The following WDR41 variants were observed in gnomAD, a reference collection of about 807,000 sequenced individuals.
WDR41 encodes WD repeat domain 41.
Under a neutral mutation model 69.3 loss-of-function variants are expected in WDR41, and 63 were observed. The ratio of observed to expected loss-of-function variants is 0.91; its 90% confidence interval spans 0.74 to 1.12. WDR41 has a LOEUF of 1.12. WDR41 is among the 50% of genes most tolerant of loss of function. The pLI, the probability that WDR41 is intolerant of heterozygous loss-of-function variation, is 0.00. For missense variants in WDR41, 543 were observed against 534.5 expected (o/e 1.02, Z -0.16); for synonymous variants, 185 against 192.1 (o/e 0.96, Z 0.31).
At chr5:77,508,298 C>T (rs757749027) in intron 1 of WDR41, among the ~76,000 whole-genome samples, 5 of 151,822 alleles carry the variant, frequency 3.3e-5, no homozygotes, top group African/African-American at 9.7e-5. Context: ...TTTTTTGTAG[C>T]GACAGGGTTT....
intron 1 of WDR41, among the ~76,000 whole-genome samples, chr5:77,571,190 G>A (rs1408573103): frequency 6.6e-6 from 1 of 152,020 alleles, no homozygotes; most frequent in African/African-American, 2.4e-5. Flanking sequence ...TTGCAAAATG[G>A]TCCGGAATTC....
At chr5:77,503,190 C>CA (rs144057313) in intron 1 of WDR41, among the ~76,000 whole-genome samples, 4,985 of 74,272 alleles carry the variant, frequency 0.067, 235 homozygotes, top group Middle Eastern at 0.1. Flanking sequence ...AAATGGAAAG[C>CA]AAAAAAAAAA....
intron 2 of WDR41, among the ~76,000 whole-genome samples, chr5:77,472,780 C>G (rs1414182991): frequency 1.3e-5 from 2 of 151,872 alleles, no homozygotes; most frequent in Non-Finnish European, 2.9e-5. Flanking sequence ...AGGATACAAA[C>G]AAATGGAAGA....
chr5:77,489,581 GA>G lies in WDR41; in HGVS notation c.52-10del, dbSNP rs1554032661. The G allele has an allele frequency of 0.095, 88,441 of 928,806 alleles. 1 individual carries two copies. The highest frequency in any genetic ancestry group is 0.1 in the Non-Finnish European group (70,696 of 679,634). 57.5% of individuals were successfully genotyped at this position (928,806 alleles called of 1,614,324 possible). ...GTCTGTAAAGGAGATTTCTTGTATT[GA>G]AAAAAAAAAAAAAGCAAAAAACAAA... On this transcript the variant is annotated splice_polypyrimidine_tract_variant and intron_variant, in intron 1 of 12. Coordinates refer to ENST00000296679, the MANE Select transcript of WDR41 (RefSeq NM_018268.4).
At chr5:77,600,150 A>G (rs890806471) in intron 1 of WDR41, among the ~76,000 whole-genome samples, 1 of 152,222 alleles carries the variant, frequency 6.6e-6, no homozygotes, top group African/African-American at 2.4e-5. Flanking sequence ...GGGTTTGACC[A>G]TGGATTTATT....
intron 1 of WDR41, among the ~76,000 whole-genome samples, chr5:77,560,647 G>A (rs932652789): frequency 9.2e-5 from 14 of 152,032 alleles, no homozygotes; most frequent in African/African-American, 2.4e-4. Flanking sequence ...CCTTTGCGCC[G>A]ATTTCTTTTC....
intron 1 of WDR41, among the ~76,000 whole-genome samples, chr5:77,499,798 G>C (rs375252516): frequency 2.0e-5 from 3 of 152,106 alleles, no homozygotes; most frequent in African/African-American, 7.2e-5. Context: ...AATCTAATTA[G>C]TGTAAACTGA....
chr5:77,491,931 TGGGACGGGGCCG>T (rs1801808937), intron 1 of WDR41: 3 of 524,460 alleles, frequency 5.7e-6, no homozygotes, highest in Non-Finnish European at 1.0e-5. Context: ...CAGCTAGCCG[TGGGACGGGGCCG>T]GGGGTCTGCA....
intron 2 of WDR41, among the ~76,000 whole-genome samples, chr5:77,488,654 G>A (rs1801627635): frequency 6.6e-6 from 1 of 152,110 alleles, no homozygotes; most frequent in Admixed American, 6.6e-5. Context: ...ATTCAATGTG[G>A]ATGCTTAGTA....
chr5:77,561,874 T>C (rs76498483), intron 1 of WDR41, among the ~76,000 whole-genome samples: 2,124 of 152,296 alleles, frequency 0.014, 19 homozygotes, highest in Non-Finnish European at 0.021. Flanking sequence ...GCAGTAACAA[T>C]ATGCTATAGA....
At position 77,440,910 on chromosome 5, in the gene WDR41, A is replaced by T. The variant is rs1481178448; in HGVS notation, c.785T>A (p.Phe262Tyr). 12 of 1,614,038 alleles carry T rather than the reference A, an allele frequency of 7.4e-6. No individual in the cohort carries two copies. Among genetic ancestry groups the T allele is most frequent in the Non-Finnish European group, 1.0e-5 (12 of 1,180,036 alleles). Reference protein sequence around the residue: ...DWTMQAYERNFWDPSPQLDTQ... With the variant: ...DWTMQAYERNYWDPSPQLDTQ... Reference sequence around the variant, plus strand: ...GTCCAGTTGTGGAGATGGGTCCCAGAAGTTGCGTTCATAGGCCTGCATGGT... The same window carrying T: ...GTCCAGTTGTGGAGATGGGTCCCAGTAGTTGCGTTCATAGGCCTGCATGGT... Residue 262 changes from phenylalanine (F) to tyrosine (Y), a missense_variant, in exon 9 of 13, where the codon TTC becomes TAC. By Grantham distance (22) the Phe-to-Tyr change is conservative. Transcript: ENST00000296679.
chr5:77,610,971 C>A (rs1054174404), intron 1 of WDR41, among the ~76,000 whole-genome samples: 2 of 152,114 alleles, frequency 1.3e-5, no homozygotes, highest in African/African-American at 4.8e-5. Flanking sequence ...ATCTACCAAG[C>A]AACTGGAAAG....
chr5:77,448,851 C>T, intron 8 of WDR41, among the ~76,000 whole-genome samples: 1 of 148,442 alleles, frequency 6.7e-6, no homozygotes, highest in East Asian at 2.0e-4. Flanking sequence ...CTGGGCAACA[C>T]AGGGAGACTC....
intron 8 of WDR41, among the ~76,000 whole-genome samples, chr5:77,444,464 T>A (rs1217638386): frequency 6.6e-6 from 1 of 152,254 alleles, no homozygotes; most frequent in Non-Finnish European, 1.5e-5. Flanking sequence ...TTATCAGTTA[T>A]TTTTTGTCTG....
At position 77,534,309 on chromosome 5, in the gene WDR41, T is replaced by C. The variant is rs1742921810; in HGVS notation, c.43-44737A>G. ...ATTTCAGATAATATTCTAGAACAAA[T>C]TTGCAACTACACCACTATATGTGGG... On this transcript the variant is annotated intron_variant, in intron 1 of 5. Coordinates refer to the WDR41 transcript ENST00000509971. Among the ~76,000 whole-genome samples the C allele has an allele frequency of 2.7e-5, 4 of 150,892 alleles. No individual in the cohort carries two copies. In the South Asian group the frequency reaches 8.4e-4, roughly 32 times the overall value.
chr5:77,433,430 T>C (rs1406014093), intron 12 of WDR41, 143 bp from the exon 13 acceptor site: 2 of 579,124 alleles, frequency 3.5e-6, no homozygotes, highest in South Asian at 4.6e-5. Context: ...TTTTTCAGTA[T>C]TGGTAAGTCA....
rs1298037926 is a variant in WDR41 at position 77,432,054 on chromosome 5, GA to G, written c.*1080del. The G allele has an allele frequency of 2.0e-5, 3 of 152,122 alleles. No individual in the cohort carries two copies. The highest frequency in any genetic ancestry group is 4.4e-5 in the Non-Finnish European group (3 of 68,022). The allele number at this position is 152,122 out of a possible 1,614,324, so 9.4% of individuals were successfully genotyped here. On this transcript the variant is annotated 3_prime_UTR_variant, in exon 13 of 13. Coordinates refer to ENST00000296679, the MANE Select transcript of WDR41 (RefSeq NM_018268.4). ...CTTCCAGTCTTTGTAGGTAGTTGTG[GA>G]AGCAACTGTCAAAGCTAAAACTAGT...
intron 2 of WDR41, 47 bp downstream of exon 2, chr5:77,489,410 A>C: frequency 6.4e-6 from 8 of 1,244,048 alleles, no homozygotes; most frequent in Non-Finnish European, 8.9e-6. Flanking sequence ...AAATTCCCTA[A>C]AACCTCTTCC....
intron 1 of WDR41, among the ~76,000 whole-genome samples, chr5:77,497,683 G>A (rs567406708): frequency 0.47 from 512 of 1,084 alleles, 5 homozygotes; most frequent in African/African-American, 0.5. Flanking sequence ...GTGAAAAATC[G>A]TTTAGCAACC....
Sources: gnomAD v4.1 joint callset for allele counts (sites outside exome capture counted in the v4.1 genomes callset) on GRCh38, gnomAD v4.1.1 for gene constraint, MANE v1.5 for transcripts, NCBI Gene and HGNC (gene_info 2026-07-23, HGNC 2026-07-21) for gene names.